Variants in ZFP37 observed in about 807,000 individuals in gnomAD.
ZFP37 encodes the protein zinc finger protein 37 homolog.
A neutral mutation model predicts 52.1 loss-of-function variants in ZFP37; 38 were observed. That is an observed-to-expected ratio of 0.73 (90% CI 0.56 to 0.96). ZFP37 has a LOEUF of 0.96. Ranked by LOEUF, ZFP37 falls within the 40% of genes least tolerant of loss-of-function variation. ZFP37 has a pLI of 0.00. For synonymous variants in ZFP37, 253 were observed against 259.5 expected (o/e 0.98, Z 0.24); for missense variants, 695 against 741.4 (o/e 0.94, Z 0.73).
rs1829070765 is a variant in ZFP37, at chr9:113,052,290, G to A, written c.133-2418C>T. On this transcript the variant is annotated intron_variant, in intron 1 of 3. Transcript: ENST00000374227. The surrounding 1 kb of genome is among the most constrained non-coding windows in gnomAD (Gnocchi z 4.1). ...CCTGCACCACCCCTCTCCCTGCCATGACCCATGTACCTCAGGGTCTAAAGA... is the reference window on the plus strand; with the variant it reads ...CCTGCACCACCCCTCTCCCTGCCATAACCCATGTACCTCAGGGTCTAAAGA... Among the ~76,000 whole-genome samples the A allele has an allele frequency of 6.6e-6, 1 of 152,056 alleles. No individual in the cohort carries two copies. The highest frequency in any genetic ancestry group is 1.5e-5 in the Non-Finnish European group (1 of 67,992).
At chr9:113,049,074 C>G (rs1169672937) in intron 3 of ZFP37, among the ~76,000 whole-genome samples, 1 of 152,122 alleles carries the variant, frequency 6.6e-6, no homozygotes, top group Non-Finnish European at 1.5e-5. Flanking sequence ...TGGAGCAAAA[C>G]TGAGTGGAAA....
Position 113,038,545 on chromosome 9 carries a change from G to A in ZFP37, c.*4180C>T, listed in dbSNP as rs1828799385. On this transcript the variant is annotated 3_prime_UTR_variant, in exon 4 of 4. Coordinates refer to ENST00000374227, the MANE Select transcript of ZFP37 (RefSeq NM_003408.3). ...CACTTTTAATCACAGCACTTTGGGAGGCCAAGGTGGGCAGATCACTTGAGC... is the reference window on the plus strand; with the variant it reads ...CACTTTTAATCACAGCACTTTGGGAAGCCAAGGTGGGCAGATCACTTGAGC... The A allele has an allele frequency of 6.6e-6, 1 of 151,632 alleles. No homozygotes were observed. Among genetic ancestry groups the A allele is most frequent in the African/African-American group, 2.4e-5 (1 of 41,232 alleles). The allele number at this position is 151,632 out of a possible 1,614,324, so 9.4% of individuals were successfully genotyped here.
intron 1 of ZFP37, among the ~76,000 whole-genome samples, chr9:113,051,975 C>A (rs1051970991): frequency 1.3e-5 from 2 of 152,184 alleles, no homozygotes; most frequent in Non-Finnish European, 2.9e-5. Context: ...CACTTGCCCC[C>A]ACAGACACTC....
intron 1 of ZFP37, among the ~76,000 whole-genome samples, chr9:113,054,435 G>C (rs976266927): frequency 4.6e-5 from 7 of 152,140 alleles, no homozygotes; most frequent in Admixed American, 3.9e-4. Flanking sequence ...CAATCTTAAG[G>C]CTTTAAATAC....
At chr9:113,046,134 A>G (rs1194537721) in intron 3 of ZFP37, among the ~76,000 whole-genome samples, 1 of 150,720 alleles carries the variant, frequency 6.6e-6, no homozygotes, top group Non-Finnish European at 1.5e-5. Context: ...AATAAAATAT[A>G]TATCTGTCTA....
At chr9:113,044,518 G>C (rs1339162816) in intron 3 of ZFP37, among the ~76,000 whole-genome samples, 1 of 152,128 alleles carries the variant, frequency 6.6e-6, no homozygotes, top group Non-Finnish European at 1.5e-5. Context: ...ACCTGGGATA[G>C]AAGATGAAAT....
intron 3 of ZFP37, among the ~76,000 whole-genome samples, chr9:113,047,567 C>T (rs958301981): frequency 6.6e-6 from 1 of 151,482 alleles, no homozygotes; most frequent in East Asian, 1.9e-4. Context: ...CTGGGCAACA[C>T]AGCAAGACCC....
At chr9:113,056,161 T>C (rs888382868) in intron 1 of ZFP37, among the ~76,000 whole-genome samples, 3 of 152,046 alleles carry the variant, frequency 2.0e-5, no homozygotes, top group African/African-American at 7.2e-5. Flanking sequence ...TCCCAAATCC[T>C]AACACTGACC....
chr9:113,051,845 C>T (rs990566464), intron 1 of ZFP37, among the ~76,000 whole-genome samples: 26 of 152,194 alleles, frequency 1.7e-4, no homozygotes, highest in Admixed American at 1.7e-3. Flanking sequence ...CATTGATTGT[C>T]ACTGGCCTTC....
intron 3 of ZFP37, among the ~76,000 whole-genome samples, chr9:113,045,162 A>G (rs1374527776): frequency 1.3e-5 from 2 of 152,204 alleles, no homozygotes; most frequent in Non-Finnish European, 2.9e-5. Flanking sequence ...TGATGAGCTG[A>G]TAAGTGGCTA....
At chr9:113,049,554 C>T (rs956612719) in intron 2 of ZFP37, 58 bp from the exon 3 acceptor site, 16 of 1,573,310 alleles carry the variant, frequency 1.0e-5, no homozygotes, top group African/African-American at 4.1e-5. Flanking sequence ...GAAATGAAGC[C>T]GCAGCATTTG....
chr9:113,054,633 A>G (rs1439125567), intron 1 of ZFP37, among the ~76,000 whole-genome samples: 2 of 152,056 alleles, frequency 1.3e-5, no homozygotes, highest in Admixed American at 6.6e-5. Context: ...AGTCTTTTCC[A>G]CCATAACCCT....
rs563133675 is a variant in ZFP37, at chr9:113,041,935, A to G, written c.*790T>C. The stretch of plus-strand genomic sequence containing the variant: ...ACCCCAGTCCTATACTCCTCTGCCC[A>G]ATGGCAACCACCATGAAGTTTATTC... On this transcript the variant is annotated 3_prime_UTR_variant, in exon 4 of 4. Transcript: ENST00000374227. 6.6e-6 allele frequency: 1 copy of G among 152,332 alleles called. No individual in the cohort carries two copies. Among genetic ancestry groups the G allele is most frequent in the South Asian group, 2.1e-4 (1 of 4,828 alleles). The allele number at this position is 152,332 out of a possible 1,614,324, so 9.4% of individuals were successfully genotyped here.
At chr9:113,046,193 T>C (rs1307078375) in intron 3 of ZFP37, among the ~76,000 whole-genome samples, 4 of 141,242 alleles carry the variant, frequency 2.8e-5, no homozygotes, top group African/African-American at 1.0e-4. Context: ...TATATCTATA[T>C]ATGTAGACAG....
chr9:113,056,483 G>A (rs1250180674), intron 1 of ZFP37, 74 bp downstream of exon 1: 7 of 1,582,160 alleles, frequency 4.4e-6, no homozygotes, highest in African/African-American at 1.3e-5. Flanking sequence ...TATCGTCACA[G>A]ACTACTCCAA....
At position 113,043,925 on chromosome 9, in the gene ZFP37, C is replaced by A; in HGVS notation, c.693G>T (p.Glu231Asp). ...CAGATGAGCTATGGCTGGATAATTTCTCATGTTTCTTTCCAGTTTGCTTTT... is the reference window on the plus strand; with the variant it reads ...CAGATGAGCTATGGCTGGATAATTTATCATGTTTCTTTCCAGTTTGCTTTT... Reference protein sequence around the residue: ...KGKKQTGKKHEKLSSHSSSDK... With the variant: ...KGKKQTGKKHDKLSSHSSSDK... The change falls in exon 4 of 4, where the codon GAG becomes GAT. Residue 231 changes from glutamate to aspartate, a missense_variant. Physicochemically the swap from Glu to Asp is conservative, Grantham distance 45. Transcript: ENST00000374227. 6.2e-7 allele frequency: 1 copy of A among 1,613,982 alleles called. No homozygotes were observed. The highest frequency in any genetic ancestry group is 8.5e-7 in the Non-Finnish European group (1 of 1,179,922).
Position 113,056,673 on chromosome 9 carries a change from C to G in ZFP37, c.16G>C (p.Gly6Arg), listed in dbSNP as rs1270409538. The G allele has an allele frequency of 1.9e-6, 3 of 1,612,870 alleles. No homozygotes were observed. Among genetic ancestry groups the G allele is most frequent in the Non-Finnish European group, 1.7e-6 (2 of 1,179,592 alleles). MSVSS[G>R]VQILTKPETV... ...TCTGGCTTTGTCAGAATCTGGACGC[C>G]GCTGGAGACCGACATGGCGGCTACC... is the stretch of plus-strand genomic sequence containing the variant. Residue 6 changes from glycine to arginine, a missense_variant, in exon 1 of 4, where the codon GGC becomes CGC. Around this residue, in one of 2 missense-constraint regions of ZFP37, gnomAD observed 369 missense variants for 340.9 expected, o/e 1.08. Coordinates refer to ENST00000374227, the MANE Select transcript of ZFP37 (RefSeq NM_003408.3).
At chr9:113,054,123 G>A (rs1251833516) in intron 1 of ZFP37, among the ~76,000 whole-genome samples, 4 of 152,124 alleles carry the variant, frequency 2.6e-5, no homozygotes, top group African/African-American at 4.8e-5. Flanking sequence ...CAATAAAAGA[G>A]TTCTAATCAA....
At chr9:113,046,104 C>G (rs1405389774) in intron 3 of ZFP37, among the ~76,000 whole-genome samples, 3 of 151,210 alleles carry the variant, frequency 2.0e-5, no homozygotes, top group African/African-American at 4.8e-5. Context: ...TCCCATGTTG[C>G]AGAAGATCAG....
Sources: allele counts gnomAD v4.1 joint callset (sites outside exome capture counted in the v4.1 genomes callset), GRCh38; gene constraint gnomAD v4.1.1; regional missense constraint gnomAD v4.1.1; non-coding constraint Gnocchi (gnomAD v3.1); transcripts MANE v1.5; gene names NCBI Gene and HGNC (gene_info 2026-07-23, HGNC 2026-07-21).